Variants in BCAS3 observed in about 807,000 individuals in gnomAD.
The protein encoded by BCAS3 is BCAS4/BCAS3 fusion.
In BCAS3, 53 loss-of-function variants were observed where a neutral mutation model predicts 116.1. The observed-to-expected ratio is 0.46, with a 90% CI of 0.37 to 0.57. The LOEUF is 0.57. BCAS3 is among the 20% of genes least tolerant of loss of function. The pLI is 0.00. For synonymous variants in BCAS3, 391 were observed against 408.2 expected, an observed-to-expected ratio of 0.96 and a Z score of 0.51; for missense variants, 917 against 1,165.4, an observed-to-expected ratio of 0.79 and a Z score of 3.10.
rs553610869 is a variant in BCAS3 at position 61,357,651 on chromosome 17, C to T, written c.2426-10676C>T. ...TAGAGACGGGGCTTCACCATCTTAG[C>T]CAGGCTGGTCTTGAACTCCTGACCT... On this transcript the variant is annotated intron_variant, in intron 22 of 23. Transcript: ENST00000407086. Among the ~76,000 whole-genome samples the T allele has an allele frequency of 2.1e-3, 322 of 149,874 alleles. 3 individuals are homozygous for T. The highest frequency in any genetic ancestry group is 7.6e-3 in the African/African-American group (315 of 41,322).
At chr17:61,263,886 C>G (rs1218369179) in intron 22 of BCAS3, among the ~76,000 whole-genome samples, 1 of 152,062 alleles carries the variant, frequency 6.6e-6, no homozygotes, top group Non-Finnish European at 1.5e-5. Flanking sequence ...AATGATTATC[C>G]ACATAGGAAA....
Position 61,084,513 on chromosome 17 carries a change from C to T in BCAS3, c.2374C>T (p.Arg792Cys), listed in dbSNP as rs572795899. The T allele has an allele frequency of 5.0e-4, 800 of 1,614,128 alleles. 7 individuals are homozygous for T. The South Asian group carries it at 7.9e-3, about 16-fold the overall frequency. Residue 792 changes from arginine (R) to cysteine (C), a missense_variant, in exon 22 of 24, where the codon CGT (arginine) becomes TGT (cysteine). Arg to Cys is a radical substitution (Grantham distance 180). Around this residue, in one of 3 missense-constraint regions of BCAS3, gnomAD observed 807 missense variants for 1,026.0 expected, o/e 0.79. Transcript: ENST00000407086. This position sits in a 1 kb window ranked among gnomAD's most constrained non-coding sequence, Gnocchi z 5.5. ...SDPVSMPGSS[R>C]PVSDRRGVST... ...CCCCGTCAGCATGCCAGGGTCATCC[C>T]GTCCAGTCTCTGATCGAAGGGGAGT...
chr17:60,838,580 A>G (rs1168136458), intron 7 of BCAS3, among the ~76,000 whole-genome samples: 1 of 152,106 alleles, frequency 6.6e-6, no homozygotes, highest in Admixed American at 6.6e-5. Context: ...TTCTCCTGCA[A>G]GAAATATTTT....
Position 61,281,935 on chromosome 17 carries a change from T to C in BCAS3, c.2426-86392T>C, listed in dbSNP as rs188732831. On this transcript the variant is annotated intron_variant, in intron 22 of 23. Coordinates refer to ENST00000407086, the MANE Select transcript of BCAS3 (RefSeq NM_017679.5). This position sits in a 1 kb window ranked among gnomAD's most constrained non-coding sequence, Gnocchi z 4.2. ...TTTTACAAGACTGTTGTGCACATAA[T>C]AGATGTTCAAGACTTTTTTCTAAAC... is the stretch of plus-strand genomic sequence containing the variant. Among the ~76,000 whole-genome samples, 6 of 152,322 alleles carry C rather than the reference T, an allele frequency of 3.9e-5. No homozygotes were observed. Among genetic ancestry groups the C allele is most frequent in the Non-Finnish European group, 7.4e-5 (5 of 68,024 alleles).
At chr17:60,779,567 C>T (rs1340413334) in intron 6 of BCAS3, among the ~76,000 whole-genome samples, 1 of 152,100 alleles carries the variant, frequency 6.6e-6, no homozygotes, top group African/African-American at 2.4e-5. Context: ...CAGGGCTTCT[C>T]CATGTTGGTC....
rs2055476093 is a variant in BCAS3 at position 61,323,418 on chromosome 17, C to A, written c.2426-44909C>A. On this transcript the variant is annotated intron_variant, in intron 22 of 23. Coordinates refer to ENST00000407086, the MANE Select transcript of BCAS3 (RefSeq NM_017679.5). The surrounding 1 kb of genome is among the most constrained non-coding windows in gnomAD (Gnocchi z 4.6). ...CCCCGGGTTCTAGTCTCAGCTTTGACCCTCCCTGGTAAGCTGTATAATCAC... is the reference window on the plus strand; with the variant it reads ...CCCCGGGTTCTAGTCTCAGCTTTGAACCTCCCTGGTAAGCTGTATAATCAC... Among the ~76,000 whole-genome samples the A allele has an allele frequency of 6.6e-6, 1 of 152,210 alleles. No homozygotes were observed. The highest frequency in any genetic ancestry group is 1.5e-5 in the Non-Finnish European group (1 of 68,042).
At chr17:60,808,124 T>A in intron 7 of BCAS3, 48 bp downstream of exon 7, 1 of 1,280,972 alleles carries the variant, frequency 7.8e-7, no homozygotes, top group Non-Finnish European at 1.1e-6. Context: ...CAAATTTATA[T>A]TATTCCAGAG....
At chr17:60,769,229 G>A (rs1179846067) in intron 6 of BCAS3, among the ~76,000 whole-genome samples, 2 of 152,186 alleles carry the variant, frequency 1.3e-5, no homozygotes, top group Non-Finnish European at 2.9e-5. Flanking sequence ...TGATGTCTGT[G>A]ATAGGCAGGG....
At chr17:60,898,897 G>A (rs535395026) in intron 10 of BCAS3, among the ~76,000 whole-genome samples, 20 of 152,294 alleles carry the variant, frequency 1.3e-4, no homozygotes, top group African/African-American at 4.1e-4. Context: ...GAGCTTGCAG[G>A]TAGGTGCCAG....
rs2144858607 is a variant in BCAS3 at position 60,862,343 on chromosome 17, C to T, written c.477-6233C>T. Among the ~76,000 whole-genome samples, 2 of 152,136 alleles carry T rather than the reference C, an allele frequency of 1.3e-5. 1 individual carries two copies. Among genetic ancestry groups the T allele is most frequent in the East Asian group, 3.9e-4 (2 of 5,188 alleles). On this transcript the variant is annotated intron_variant, in intron 7 of 23. Transcript: ENST00000407086. ...CTTCATAGAATGAGTTAGGGGGAAT[C>T]TCTCATGCTCGACTTTTTATAATAA...
At position 61,115,196 on chromosome 17, in the gene BCAS3, C is replaced by T. The variant is rs1205546955; in HGVS notation, c.2425+30632C>T. Among the ~76,000 whole-genome samples the T allele has an allele frequency of 7.1e-4, 108 of 151,530 alleles. 1 individual carries two copies. Among genetic ancestry groups the T allele is most frequent in the Non-Finnish European group, 1.1e-3 (76 of 67,778 alleles). On this transcript the variant is annotated intron_variant, in intron 22 of 23. Transcript: ENST00000407086. ...TAGGCATGGGCAAAGACTTCATGTCCAAAACACCAAAAGCAATGGCAACAA... is the reference window on the plus strand; with the variant it reads ...TAGGCATGGGCAAAGACTTCATGTCTAAAACACCAAAAGCAATGGCAACAA...
intron 20 of BCAS3, among the ~76,000 whole-genome samples, chr17:61,075,919 T>C (rs1000058311): frequency 2.0e-5 from 3 of 152,032 alleles, no homozygotes; most frequent in Non-Finnish European, 4.4e-5. Flanking sequence ...GCTAATTTGT[T>C]TTTTTTGTTT....
In BCAS3 at chr17:61,349,587, G is replaced by A. The variant is rs2057709779; in HGVS notation, c.2426-18740G>A. On this transcript the variant is annotated intron_variant, in intron 22 of 23. Coordinates refer to ENST00000407086, the MANE Select transcript of BCAS3 (RefSeq NM_017679.5). This position sits in a 1 kb window ranked among gnomAD's most constrained non-coding sequence, Gnocchi z 4.7. The stretch of plus-strand genomic sequence containing the variant: ...AGTCTGATTGCCTACTCCATTTTGT[G>A]GAATAATGGACCTGACTGTAATCCA... Among the ~76,000 whole-genome samples, 1 of 152,086 alleles carries A rather than the reference G, an allele frequency of 6.6e-6. No homozygotes were observed. The highest frequency in any genetic ancestry group is 6.6e-5 in the Admixed American group (1 of 15,256).
intron 22 of BCAS3, among the ~76,000 whole-genome samples, chr17:61,107,041 C>A (rs1006233715): frequency 5.0e-4 from 74 of 148,876 alleles, no homozygotes; most frequent in African/African-American, 1.6e-3. Context: ...TGATGTTCCT[C>A]ATTTCCTTCC....
intron 22 of BCAS3, among the ~76,000 whole-genome samples, chr17:61,358,656 C>A (rs2058286360): frequency 6.6e-6 from 1 of 151,958 alleles, no homozygotes; most frequent in Non-Finnish European, 1.5e-5. Context: ...CATGCACCAC[C>A]ATGCCTGGCT....
At chr17:61,242,843 T>TA (rs1352768937) in intron 22 of BCAS3, among the ~76,000 whole-genome samples, 3 of 73,170 alleles carry the variant, frequency 4.1e-5, no homozygotes, top group African/African-American at 1.0e-4. Flanking sequence ...ATGGAATTCT[T>TA]TAAAAAAAAA....
At chr17:61,191,248 A>G (rs1267691347) in intron 22 of BCAS3, among the ~76,000 whole-genome samples, 1 of 152,220 alleles carries the variant, frequency 6.6e-6, no homozygotes, top group East Asian at 1.9e-4. Context: ...CCTGGGTGCC[A>G]GAGTGAGACC....
rs1390272633 is a variant in BCAS3, at chr17:61,226,528, T to TA, written c.2426-141798dup. 6.6e-6 allele frequency among the ~76,000 whole-genome samples: 1 copy of TA among 152,210 alleles called. No homozygotes were observed. Among genetic ancestry groups the TA allele is most frequent in the African/African-American group, 2.4e-5 (1 of 41,454 alleles). On this transcript the variant is annotated intron_variant, in intron 22 of 23. Transcript: ENST00000407086. This position sits in a 1 kb window ranked among gnomAD's most constrained non-coding sequence, Gnocchi z 6.0. ...TAGCCCATAATAGGCATGCAGTTCT[T>TA]ATTGGAATTGTGTTGAACGACTCAC... is the stretch of plus-strand genomic sequence containing the variant.
intron 20 of BCAS3, among the ~76,000 whole-genome samples, 197 bp downstream of exon 20, chr17:61,075,217 C>CGT (rs1024084450): frequency 2.0e-5 from 3 of 151,892 alleles, no homozygotes; most frequent in Admixed American, 6.6e-5. Flanking sequence ...ATACATTATA[C>CGT]GTGTGTGTAT....
Sources: gnomAD v4.1 joint callset for allele counts (sites outside exome capture counted in the v4.1 genomes callset) on GRCh38, gnomAD v4.1.1 for gene constraint, gnomAD v4.1.1 regional missense constraint, Gnocchi (gnomAD v3.1) non-coding constraint, MANE v1.5 for transcripts, NCBI Gene and HGNC (gene_info 2026-07-23, HGNC 2026-07-21) for gene names.